Variants in SPAG1 observed in about 807,000 individuals in gnomAD.
SPAG1 encodes the protein sperm-associated antigen 1.
SPAG1 carries 69 observed loss-of-function variants against 100.5 expected under a neutral mutation model. That is an observed-to-expected ratio of 0.69 (90% CI 0.57 to 0.84). The LOEUF (loss-of-function observed/expected upper bound fraction) is 0.84. SPAG1 is among the 40% of genes least tolerant of loss of function. The pLI is 0.00. For synonymous variants in SPAG1, 336 were observed against 411.6 expected, an observed-to-expected ratio of 0.82 and a Z score of 2.22; for missense variants, 955 against 1,133.1, an observed-to-expected ratio of 0.84 and a Z score of 2.26.
rs1203432936 is a variant in SPAG1 at position 100,233,440 on chromosome 8, T to C, written c.2018T>C (p.Phe673Ser). 2.5e-6 allele frequency: 4 copies of C among 1,614,026 alleles called. No individual in the cohort carries two copies. Among genetic ancestry groups the C allele is most frequent in the South Asian group, 1.1e-5 (1 of 91,088 alleles). The change falls in exon 16 of 19, where the codon TTT becomes TCT. Residue 673 changes from phenylalanine (F) to serine (S), a missense_variant. By Grantham distance (155) the Phe-to-Ser change is radical. Coordinates refer to ENST00000388798, the MANE Select transcript of SPAG1 (RefSeq NM_003114.5). ...RALCYLKLCQ[F>S]EEAKQDCDQA... ...CTCTGTTACTTGAAGCTGTGCCAGT[T>C]TGAAGAAGCAAAGCAGGACTGTGAT...
rs762424146 is a variant in SPAG1 at position 100,239,335 on chromosome 8, C to T, written c.2211C>T (p.Leu737=). The T allele has an allele frequency of 3.8e-6, 6 of 1,590,034 alleles. No individual in the cohort carries two copies. The Admixed American group carries it at 5.3e-5, about 14-fold the overall frequency. ...AKMELEEVTR[L]LNLKDKTAPF... ...TGGAACTGGAAGAGGTAACTAGACTCCTTAATCTTAAGGATAAGACAGCAC... is the reference window on the plus strand; with the variant it reads ...TGGAACTGGAAGAGGTAACTAGACTTCTTAATCTTAAGGATAAGACAGCAC... The change falls in exon 17 of 19, where the codon CTC becomes CTT. Residue 737 remains leucine, a synonymous_variant. Coordinates refer to ENST00000388798, the MANE Select transcript of SPAG1 (RefSeq NM_003114.5). The surrounding 1 kb of genome is among the most constrained non-coding windows in gnomAD (Gnocchi z 5.0).
chr8:100,194,689 T>C (rs1321779725), intron 10 of SPAG1: 2 of 328,440 alleles, frequency 6.1e-6, no homozygotes, highest in Non-Finnish European at 5.4e-6. Context: ...AGAAAATTGC[T>C]ATGTGTGTTT....
Position 100,240,579 on chromosome 8 carries a change from G to C in SPAG1, c.2457G>C (p.Arg819Ser). 2 of 1,614,038 alleles carry C rather than the reference G, an allele frequency of 1.2e-6. No homozygotes were observed. Among genetic ancestry groups the C allele is most frequent in the Non-Finnish European group, 8.5e-7 (1 of 1,179,978 alleles). Residue 819 changes from arginine (R) to serine (S), a missense_variant, in exon 18 of 19, where the codon AGG becomes AGC. Physicochemically the swap from Arg to Ser is moderately radical, Grantham distance 110 (BLOSUM62 -1). Coordinates refer to ENST00000388798, the MANE Select transcript of SPAG1 (RefSeq NM_003114.5). ...FGQIINALST[R>S]KDKEACAHLL... ...AGATTATAAATGCTCTCAGTACCAG[G>C]AAGGATAAAGAAGCCTGTGCACATC...
chr8:100,172,550 G>A (rs770571373), intron 3 of SPAG1, among the ~76,000 whole-genome samples: 1 of 152,012 alleles, frequency 6.6e-6, no homozygotes, highest in African/African-American at 2.4e-5. Context: ...AACCCAGGAG[G>A]TGGAGGTTGT....
chr8:100,190,989 A>T (rs999494951), intron 8 of SPAG1, among the ~76,000 whole-genome samples: 1 of 152,044 alleles, frequency 6.6e-6, no homozygotes, highest in Non-Finnish European at 1.5e-5. Flanking sequence ...AATTTTGATA[A>T]GGGATTTTAT....
intron 9 of SPAG1, among the ~76,000 whole-genome samples, chr8:100,192,446 G>C (rs773967037): frequency 2.0e-5 from 3 of 152,170 alleles, no homozygotes; most frequent in African/African-American, 7.2e-5. Context: ...TGCCCTCTCC[G>C]CTGCAGATGA....
intron 10 of SPAG1, among the ~76,000 whole-genome samples, chr8:100,198,328 T>C (rs1220382668): frequency 1.3e-5 from 2 of 151,994 alleles, no homozygotes; most frequent in Non-Finnish European, 2.9e-5. Flanking sequence ...ATGAAAAACG[T>C]GTATGTTAGG....
chr8:100,167,833 C>A (rs1420830858), intron 3 of SPAG1, among the ~76,000 whole-genome samples: 2 of 152,228 alleles, frequency 1.3e-5, no homozygotes, highest in Non-Finnish European at 2.9e-5. Context: ...GTAGACCCCA[C>A]TGCCTGGCCT....
chr8:100,167,155 A>C (rs1476851952), intron 3 of SPAG1, among the ~76,000 whole-genome samples: 1 of 152,104 alleles, frequency 6.6e-6, no homozygotes, highest in Non-Finnish European at 1.5e-5. Context: ...TGGTTTCTTT[A>C]TTAAAAAAAA....
chr8:100,213,388 C>T lies in SPAG1; in HGVS notation c.1395C>T (p.Ala465=). The change falls in exon 11 of 19, where the codon GCC becomes GCT. Residue 465 remains alanine, a synonymous_variant. Coordinates refer to ENST00000388798, the MANE Select transcript of SPAG1 (RefSeq NM_003114.5). ...LFRSGQFAEA[A]GKYSAAIALL... is the part of the protein sequence containing the mutation. ...GAAGCGGGCAGTTCGCCGAGGCGGC[C>T]GGCAAGTACTCGGCGGCAATCGCGC... 2.1e-6 allele frequency: 3 copies of T among 1,450,740 alleles called. No homozygotes were observed. Among genetic ancestry groups the T allele is most frequent in the South Asian group, 2.7e-5 (2 of 73,968 alleles). 89.9% of individuals were successfully genotyped at this position (1,450,740 alleles called of 1,614,324 possible). A position where few individuals can be genotyped will look rare whatever the true frequency, so the allele number is the denominator to read the frequency against.
intron 10 of SPAG1, among the ~76,000 whole-genome samples, chr8:100,211,593 G>C (rs993097254): frequency 1.3e-5 from 2 of 152,192 alleles, no homozygotes; most frequent in African/African-American, 4.8e-5. Context: ...AGAGGTTGAG[G>C]CTGCAGTGAG....
chr8:100,231,602 C>T (rs1818770098), intron 15 of SPAG1, among the ~76,000 whole-genome samples: 4 of 152,152 alleles, frequency 2.6e-5, no homozygotes, highest in African/African-American at 4.8e-5. Flanking sequence ...TTGCCGGCCT[C>T]GTTGCAGCTA....
chr8:100,217,162 A>AT (rs1201515184), intron 12 of SPAG1, among the ~76,000 whole-genome samples: 11 of 151,892 alleles, frequency 7.2e-5, no homozygotes, highest in African/African-American at 2.7e-4. Context: ...GCTGGTCTTG[A>AT]ATTCCTGACC....
chr8:100,194,459 T>C (rs1000209355), intron 10 of SPAG1, 191 bp downstream of exon 10: 1 of 722,048 alleles, frequency 1.4e-6, no homozygotes, highest in African/African-American at 1.8e-5. Flanking sequence ...CCATTTTCCT[T>C]CTTAACCTGT....
intron 12 of SPAG1, among the ~76,000 whole-genome samples, chr8:100,219,510 C>T (rs1264585426): frequency 2.0e-5 from 3 of 152,156 alleles, no homozygotes; most frequent in East Asian, 1.9e-4. Context: ...AAAGGCTCTG[C>T]GCTGCCTTTT....
intron 3 of SPAG1, among the ~76,000 whole-genome samples, chr8:100,177,109 T>C (rs1563775620): frequency 6.6e-6 from 1 of 152,144 alleles, no homozygotes. Context: ...CTCTGCTTCT[T>C]GGGAGCACTT....
Position 100,239,068 on chromosome 8 carries a change from G to A in SPAG1, c.2116-172G>A, listed in dbSNP as rs146903827. On this transcript the variant is annotated intron_variant, in intron 16 of 18. Coordinates refer to ENST00000388798, the MANE Select transcript of SPAG1 (RefSeq NM_003114.5). The surrounding 1 kb of genome is among the most constrained non-coding windows in gnomAD (Gnocchi z 5.0). Reference sequence around the variant, plus strand: ...ATAGTCGATGTTCACTGTATCATGGGTTATACTATTTCAGCTGCATATTCA... The same window carrying A: ...ATAGTCGATGTTCACTGTATCATGGATTATACTATTTCAGCTGCATATTCA... Among the ~76,000 whole-genome samples, 311 of 152,230 alleles carry A rather than the reference G, an allele frequency of 2.0e-3. No homozygotes were observed. The highest frequency in any genetic ancestry group is 3.4e-3 in the Middle Eastern group (1 of 294).
intron 10 of SPAG1, among the ~76,000 whole-genome samples, chr8:100,204,169 C>T (rs1031862310): frequency 1.3e-5 from 2 of 152,080 alleles, no homozygotes; most frequent in South Asian, 2.1e-4. Context: ...GATGGCCTCC[C>T]GAGACAGTTG....
At chr8:100,179,083 C>CA (rs1256243374) in intron 4 of SPAG1, among the ~76,000 whole-genome samples, 2 of 140,896 alleles carry the variant, frequency 1.4e-5, no homozygotes, top group Non-Finnish European at 3.1e-5. Flanking sequence ...AAAAAAACCA[C>CA]AAAAACAAAC....
Sources: allele counts gnomAD v4.1 joint callset (sites outside exome capture counted in the v4.1 genomes callset), GRCh38; gene constraint gnomAD v4.1.1; non-coding constraint Gnocchi (gnomAD v3.1); transcripts MANE v1.5; gene names NCBI Gene and HGNC (gene_info 2026-07-23, HGNC 2026-07-21).